Variants in KCNQ3 observed in about 807,000 individuals in gnomAD.
KCNQ3 encodes potassium voltage-gated channel subfamily KQT member 3.
A neutral mutation model predicts 92.5 loss-of-function variants in KCNQ3; 30 were observed. That is an observed-to-expected ratio of 0.32 (90% confidence interval 0.24 to 0.44). KCNQ3 has a LOEUF of 0.44. KCNQ3 is among the 20% of genes least tolerant of loss of function. The pLI is 1.00. For missense variants in KCNQ3, 913 were observed against 1,140.3 expected (o/e 0.80, Z 2.87); for synonymous variants, 450 against 468.8 (o/e 0.96, Z 0.52).
intron 1 of KCNQ3, among the ~76,000 whole-genome samples, chr8:132,403,164 G>T (rs568653356): frequency 7.9e-5 from 12 of 152,130 alleles, no homozygotes; most frequent in Non-Finnish European, 1.6e-4. Flanking sequence ...CAATTTTTCT[G>T]GGAAACCTAA....
At position 132,124,163 on chromosome 8, in the gene KCNQ3, G is replaced by A. The variant is rs1824586916; in HGVS notation, c.*5099C>T. 1 of 152,048 alleles carries A rather than the reference G, an allele frequency of 6.6e-6. No individual in the cohort carries two copies. The highest frequency in any genetic ancestry group is 1.9e-4 in the East Asian group (1 of 5,204). The allele number at this position is 152,048 out of a possible 1,614,324, so 9.4% of individuals were successfully genotyped here. A position where few individuals can be genotyped will look rare whatever the true frequency, so the allele number is the denominator to read the frequency against. Reference sequence around the variant, plus strand: ...CAAGATTCCTTCTGTTCTTTATTGTGGTAGACAAGAGCAAGCATTTTTATT... The same window carrying A: ...CAAGATTCCTTCTGTTCTTTATTGTAGTAGACAAGAGCAAGCATTTTTATT... On this transcript the variant is annotated 3_prime_UTR_variant, in exon 15 of 15. Transcript: ENST00000388996.
At position 132,126,719 on chromosome 8, in the gene KCNQ3, A is replaced by T. The variant is rs959761659; in HGVS notation, c.*2543T>A. The T allele has an allele frequency of 2.6e-5, 4 of 152,110 alleles. No homozygotes were observed. The highest frequency in any genetic ancestry group is 2.0e-4 in the Admixed American group (3 of 15,264). The allele number at this position is 152,110 out of a possible 1,614,324, so 9.4% of individuals were successfully genotyped here. On this transcript the variant is annotated 3_prime_UTR_variant, in exon 15 of 15. Transcript: ENST00000388996. ...TCTTATGATCCAGCAGGGAAGCTAG[A>T]CTGCCTGCCTATGGTTTAGGAAATA...
At chr8:132,337,581 G>T (rs1373955287) in intron 1 of KCNQ3, among the ~76,000 whole-genome samples, 1 of 152,066 alleles carries the variant, frequency 6.6e-6, no homozygotes, top group Non-Finnish European at 1.5e-5. Flanking sequence ...GAATGAAGAA[G>T]GGCTGGTACC....
intron 1 of KCNQ3, among the ~76,000 whole-genome samples, chr8:132,191,591 ATGTG>A (rs202106374): frequency 0.011 from 786 of 73,004 alleles, 16 homozygotes; most frequent in Admixed American, 0.046. Flanking sequence ...AAAGATGGAT[ATGTG>A]TGTGTATGTG....
At chr8:132,471,799 G>A (rs1822303136) in intron 1 of KCNQ3, among the ~76,000 whole-genome samples, 1 of 152,120 alleles carries the variant, frequency 6.6e-6, no homozygotes, top group Non-Finnish European at 1.5e-5. Flanking sequence ...AAGCTTCTAT[G>A]TAGCAAATGA....
At chr8:132,133,634 G>A (rs1164098480) in intron 13 of KCNQ3, among the ~76,000 whole-genome samples, 5 of 152,140 alleles carry the variant, frequency 3.3e-5, no homozygotes, top group African/African-American at 4.8e-5. Context: ...GATTACAGGC[G>A]TAAGCCACCA....
At chr8:132,134,715 C>A (rs1424683086) in intron 12 of KCNQ3, among the ~76,000 whole-genome samples, 1 of 151,718 alleles carries the variant, frequency 6.6e-6, no homozygotes, top group Non-Finnish European at 1.5e-5. Flanking sequence ...GGGAGGCAGA[C>A]AAACCACTGA....
chr8:132,142,620 T>G (rs1280902228), intron 9 of KCNQ3, among the ~76,000 whole-genome samples: 1 of 152,234 alleles, frequency 6.6e-6, no homozygotes, highest in Non-Finnish European at 1.5e-5. Context: ...CAGCAGCTTC[T>G]GCTCCCTTAC....
intron 1 of KCNQ3, among the ~76,000 whole-genome samples, chr8:132,242,633 A>G (rs1563821368): frequency 6.6e-6 from 1 of 152,260 alleles, no homozygotes; most frequent in Non-Finnish European, 1.5e-5. Flanking sequence ...CACTAAAAAT[A>G]TAAATTCCAT....
rs1019043967 is a variant in KCNQ3, at chr8:132,129,410, G to C, written c.2471C>G (p.Ser824Trp). 2 of 1,614,064 alleles carry C rather than the reference G, an allele frequency of 1.2e-6. No homozygotes were observed. The highest frequency in any genetic ancestry group is 1.1e-5 in the South Asian group (1 of 91,082). ...GTACCGCTTCTCCCTCATCCAGCTC[G>C]ACCCCCCATTGGGGCCGAACACATA... Reference protein sequence around the residue: ...DDYVFGPNGGSSWMREKRYLA... With the variant: ...DDYVFGPNGGWSWMREKRYLA... Residue 824 changes from serine to tryptophan, a missense_variant, in exon 15 of 15, where the codon TCG becomes TGG. This residue lies in a region of KCNQ3 where 375 missense variants were observed against 376.4 expected (regional missense o/e 1.00). Coordinates refer to ENST00000388996, the MANE Select transcript of KCNQ3 (RefSeq NM_004519.4). The surrounding 1 kb of genome is among the most constrained non-coding windows in gnomAD (Gnocchi z 5.9).
intron 1 of KCNQ3, among the ~76,000 whole-genome samples, chr8:132,297,957 G>A (rs1422000924): frequency 6.6e-6 from 1 of 152,210 alleles, no homozygotes; most frequent in Non-Finnish European, 1.5e-5. Context: ...TCTTTTAAAA[G>A]TGTGTTTTAA....
intron 9 of KCNQ3, among the ~76,000 whole-genome samples, chr8:132,160,859 G>A (rs1342698322): frequency 6.6e-6 from 1 of 152,004 alleles, no homozygotes; most frequent in Non-Finnish European, 1.5e-5. Flanking sequence ...GGCTTACTAG[G>A]GGCCGAGCGT....
At chr8:132,372,749 G>A (rs1164138661) in intron 1 of KCNQ3, among the ~76,000 whole-genome samples, 1 of 117,408 alleles carries the variant, frequency 8.5e-6, no homozygotes, top group East Asian at 2.7e-4. Flanking sequence ...CACAGAGTGA[G>A]ACTTTGTCTC....
At chr8:132,412,999 G>GTGTAGTGACTCCAC (rs1321687750) in intron 1 of KCNQ3, among the ~76,000 whole-genome samples, 20 of 152,356 alleles carry the variant, frequency 1.3e-4, no homozygotes, top group African/African-American at 4.6e-4. Flanking sequence ...TCACAGTGGA[G>GTGTAGTGACTCCAC]TACACACTAG....
At chr8:132,437,229 G>A (rs958662292) in intron 1 of KCNQ3, among the ~76,000 whole-genome samples, 2 of 151,118 alleles carry the variant, frequency 1.3e-5, no homozygotes, top group East Asian at 1.9e-4. Flanking sequence ...GCAGTGAGCC[G>A]AGATTGCGCC....
rs532640046 is a variant in KCNQ3, at chr8:132,249,031, C to G, written c.387-62850G>C. On this transcript the variant is annotated intron_variant, in intron 1 of 14. Coordinates refer to ENST00000388996, the MANE Select transcript of KCNQ3 (RefSeq NM_004519.4). Reference sequence around the variant, plus strand: ...GTTCCTTCTGATGTTTGGATGTGTTCGGAGTTTCTTCCTTCTGGTGGGTTT... The same window carrying G: ...GTTCCTTCTGATGTTTGGATGTGTTGGGAGTTTCTTCCTTCTGGTGGGTTT... Among the ~76,000 whole-genome samples the G allele has an allele frequency of 3.3e-3, 499 of 152,186 alleles. 5 individuals carry two copies. Among genetic ancestry groups the G allele is most frequent in the Non-Finnish European group, 4.9e-3 (336 of 68,012 alleles).
At chr8:132,347,199 G>A (rs924515224) in intron 1 of KCNQ3, among the ~76,000 whole-genome samples, 2 of 152,198 alleles carry the variant, frequency 1.3e-5, no homozygotes, top group Admixed American at 6.5e-5. Context: ...ACCCAAGAAT[G>A]AATAGCCATT....
intron 8 of KCNQ3, among the ~76,000 whole-genome samples, chr8:132,169,370 C>T (rs920524619): frequency 6.6e-6 from 1 of 152,192 alleles, no homozygotes; most frequent in Non-Finnish European, 1.5e-5. Flanking sequence ...AAATAATGAA[C>T]TCGAATGCCT....
At chr8:132,462,468 G>T (rs892325664) in intron 1 of KCNQ3, among the ~76,000 whole-genome samples, 1 of 152,196 alleles carries the variant, frequency 6.6e-6, no homozygotes, top group Admixed American at 6.5e-5. Context: ...AATTACAGGC[G>T]TGAGCCACTG....
Sources: gnomAD v4.1 joint callset for allele counts (sites outside exome capture counted in the v4.1 genomes callset) on GRCh38, gnomAD v4.1.1 for gene constraint, gnomAD v4.1.1 regional missense constraint, Gnocchi (gnomAD v3.1) non-coding constraint, MANE v1.5 for transcripts, NCBI Gene and HGNC (gene_info 2026-07-23, HGNC 2026-07-21) for gene names.